The following SUGCT variants were observed in gnomAD, a reference collection of about 807,000 sequenced individuals.
SUGCT encodes succinyl-CoA:glutarate-CoA transferase.
In SUGCT, 41 loss-of-function variants were observed where a neutral mutation model predicts 55.0. The ratio of observed to expected loss-of-function variants is 0.74; its 90% CI spans 0.58 to 0.97. The LOEUF (loss-of-function observed/expected upper bound fraction) is 0.97, where lower values mean the gene tolerates loss of function less well. SUGCT is among the 50% of genes least tolerant of loss of function. The probability of loss-of-function intolerance (pLI) is 0.00; values close to 1 mark genes in which losing one functional copy is unlikely to be tolerated. For missense variants in SUGCT, 568 were observed against 547.8 expected (o/e 1.04, Z -0.37); for synonymous variants, 187 against 200.4 (o/e 0.93, Z 0.56).
intron 9 of SUGCT, among the ~76,000 whole-genome samples, chr7:40,392,259 C>G (rs901550969): frequency 1.4e-4 from 22 of 151,898 alleles, no homozygotes; most frequent in African/African-American, 4.8e-4. Flanking sequence ...GTTGTGCACA[C>G]GTACCCTAGA....
intron 6 of SUGCT, among the ~76,000 whole-genome samples, chr7:40,196,611 G>C (rs879737122): frequency 1.1e-4 from 17 of 152,138 alleles, no homozygotes; most frequent in Non-Finnish European, 2.1e-4. Context: ...ACCTGCATGG[G>C]GTAAAGGAGT....
chr7:40,428,947 C>G (rs1244694620), intron 9 of SUGCT, among the ~76,000 whole-genome samples: 1 of 152,106 alleles, frequency 6.6e-6, no homozygotes, highest in African/African-American at 2.4e-5. Flanking sequence ...GTAAAGAATT[C>G]CCTCAGCTTT....
intron 9 of SUGCT, among the ~76,000 whole-genome samples, chr7:40,334,738 C>T (rs183119329): frequency 1.5e-4 from 23 of 152,302 alleles, no homozygotes; most frequent in Admixed American, 5.9e-4. Flanking sequence ...TTTTGCTGCG[C>T]GGAAGCTCTT....
intron 7 of SUGCT, among the ~76,000 whole-genome samples, chr7:40,245,749 T>G (rs1037423425): frequency 2.0e-5 from 3 of 151,948 alleles, no homozygotes; most frequent in Non-Finnish European, 4.4e-5. Flanking sequence ...AGTAGATATA[T>G]ATTTATGGGG....
chr7:40,638,581 G>A (rs771130014), intron 12 of SUGCT, among the ~76,000 whole-genome samples: 1 of 152,164 alleles, frequency 6.6e-6, no homozygotes, highest in Non-Finnish European at 1.5e-5. Flanking sequence ...TGACTTTTCT[G>A]CTTAGTATGA....
the SUGCT span, among the ~76,000 whole-genome samples, chr7:40,981,644 A>C: frequency 6.6e-6 from 1 of 152,226 alleles, no homozygotes; most frequent in Non-Finnish European, 1.5e-5. Flanking sequence ...AGGAACCAAG[A>C]CACTCCTTCA....
chr7:40,222,864 G>C (rs1788091814), intron 6 of SUGCT, among the ~76,000 whole-genome samples: 1 of 152,136 alleles, frequency 6.6e-6, no homozygotes, highest in Non-Finnish European at 1.5e-5. Flanking sequence ...TCTTGACCTT[G>C]TGATCCACCT....
At chr7:41,009,208 T>TA in the SUGCT span, among the ~76,000 whole-genome samples, 46,329 of 103,034 alleles carry the variant, frequency 0.45, 9,564 homozygotes, top group Non-Finnish European at 0.48. Flanking sequence ...TGTCTCTCTC[T>TA]AAAAAAAAAA....
chr7:40,355,864 GTTA>G (rs1797861950), intron 9 of SUGCT, among the ~76,000 whole-genome samples: 1 of 152,214 alleles, frequency 6.6e-6, no homozygotes, highest in South Asian at 2.1e-4. Flanking sequence ...CTGCCAAGTA[GTTA>G]TATCAATCCA....
chr7:40,823,385 GA>G lies in SUGCT; in HGVS notation c.1154-36930del, dbSNP rs1380233007. Among the ~76,000 whole-genome samples, 8 of 151,962 alleles carry G rather than the reference GA, an allele frequency of 5.3e-5. No homozygotes were observed. In the East Asian group the frequency reaches 1.4e-3, roughly 26 times the overall value. Reference sequence around the variant, plus strand: ...TACATACATACACCAGAAGCACTGAGATTTTTTTTTTCATTTAAAAATAGAT... The same window carrying G: ...TACATACATACACCAGAAGCACTGAGTTTTTTTTTTCATTTAAAAATAGAT... On this transcript the variant is annotated intron_variant, in intron 13 of 13. Transcript: ENST00000335693.
At chr7:40,277,937 T>C (rs1792647392) in intron 8 of SUGCT, among the ~76,000 whole-genome samples, 1 of 151,748 alleles carries the variant, frequency 6.6e-6, no homozygotes, top group African/African-American at 2.4e-5. Context: ...GAACATGCGG[T>C]GTTTGGTTTT....
intron 12 of SUGCT, among the ~76,000 whole-genome samples, chr7:40,563,121 T>C (rs889238826): frequency 6.6e-6 from 1 of 152,146 alleles, no homozygotes; most frequent in Non-Finnish European, 1.5e-5. Context: ...TGTCCCGTCC[T>C]CCTCCCATGC....
chr7:40,657,854 C>A (rs1358798905), intron 12 of SUGCT, among the ~76,000 whole-genome samples: 1 of 152,048 alleles, frequency 6.6e-6, no homozygotes, highest in Non-Finnish European at 1.5e-5. Context: ...TTTTATAATC[C>A]CCATTTTCTA....
the SUGCT span, among the ~76,000 whole-genome samples, chr7:40,986,441 T>C: frequency 5.3e-5 from 8 of 152,194 alleles, no homozygotes. Context: ...CTCATCACCA[T>C]GGTTTCATCA....
At chr7:40,168,429 G>T (rs915649461) in intron 1 of SUGCT, among the ~76,000 whole-genome samples, 3 of 152,144 alleles carry the variant, frequency 2.0e-5, no homozygotes. Context: ...ACTGCATCTG[G>T]GGCTCTATTT....
chr7:40,659,517 A>G (rs1030095398), intron 12 of SUGCT, among the ~76,000 whole-genome samples: 2 of 152,222 alleles, frequency 1.3e-5, no homozygotes, highest in South Asian at 2.1e-4. Context: ...ACCTCAGCTC[A>G]TAAGTCACAA....
intron 12 of SUGCT, among the ~76,000 whole-genome samples, chr7:40,681,203 C>T (rs1243369783): frequency 6.6e-6 from 1 of 152,032 alleles, no homozygotes; most frequent in Non-Finnish European, 1.5e-5. Flanking sequence ...AGCCCCTATA[C>T]AGTTTAGAAT....
chr7:40,884,706 G>A, the SUGCT span, among the ~76,000 whole-genome samples: 2 of 152,204 alleles, frequency 1.3e-5, no homozygotes, highest in Non-Finnish European at 2.9e-5. Flanking sequence ...AACAGGCAAG[G>A]GAGTGATAGC....
At chr7:40,611,310 C>T (rs1456141413) in intron 12 of SUGCT, among the ~76,000 whole-genome samples, 1 of 152,130 alleles carries the variant, frequency 6.6e-6, no homozygotes, top group Non-Finnish European at 1.5e-5. Flanking sequence ...ATTCAATTTT[C>T]TTTGAAGTGC....
Sources: allele counts gnomAD v4.1 joint callset (sites outside exome capture counted in the v4.1 genomes callset), GRCh38; gene constraint gnomAD v4.1.1; transcripts MANE v1.5; gene names NCBI Gene and HGNC (gene_info 2026-07-23, HGNC 2026-07-21).